Variants in PRLR observed in about 807,000 individuals in gnomAD.
The protein encoded by PRLR is prolactin receptor.
PRLR carries 13 observed loss-of-function variants against 40.2 expected under a neutral mutation model. The observed-to-expected ratio is 0.32, with a 90% confidence interval of 0.21 to 0.51. The LOEUF (loss-of-function observed/expected upper bound fraction) is 0.51. Among genes scored for constraint, PRLR ranks in the 20% least tolerant of loss-of-function variants. PRLR has a pLI of 0.97. For synonymous variants in PRLR, 269 were observed against 278.7 expected, an observed-to-expected ratio of 0.97 and a Z score of 0.35; for missense variants, 656 against 747.3, an observed-to-expected ratio of 0.88 and a Z score of 1.42.
At chr5:35,104,656 G>A (rs1772111797) in intron 2 of PRLR, among the ~76,000 whole-genome samples, 1 of 152,158 alleles carries the variant, frequency 6.6e-6, no homozygotes, top group African/African-American at 2.4e-5. Flanking sequence ...ACTGCAAGGT[G>A]GCAGCAAGGG....
intron 1 of PRLR, among the ~76,000 whole-genome samples, chr5:35,178,253 A>G (rs2111968587): frequency 6.6e-6 from 1 of 152,328 alleles, no homozygotes; most frequent in Admixed American, 6.5e-5. Flanking sequence ...TGATTTAAGA[A>G]GTATTTCTAC....
intron 9 of PRLR, among the ~76,000 whole-genome samples, chr5:35,066,758 C>T (rs1184873538): frequency 6.8e-6 from 1 of 146,096 alleles, no homozygotes; most frequent in Admixed American, 6.8e-5. Flanking sequence ...CTCACTCTTG[C>T]CTCTTTTTTT....
chr5:35,185,492 A>T (rs777352840), intron 1 of PRLR, among the ~76,000 whole-genome samples: 10 of 152,072 alleles, frequency 6.6e-5, no homozygotes, highest in African/African-American at 9.7e-5. Flanking sequence ...TTCTAACTAA[A>T]ATTATGGGCC....
chr5:35,081,483 C>T, intron 5 of PRLR: 1 of 179,226 alleles, frequency 5.6e-6, no homozygotes. Flanking sequence ...GGTGGTGAAG[C>T]AGGCATCGGA....
intron 1 of PRLR, among the ~76,000 whole-genome samples, chr5:35,174,163 C>T (rs1775079902): frequency 6.6e-6 from 1 of 151,700 alleles, no homozygotes; most frequent in African/African-American, 2.4e-5. Flanking sequence ...GATCTCGGCT[C>T]ACTGCAACCT....
At chr5:35,207,989 C>T (rs992215815) in intron 1 of PRLR, among the ~76,000 whole-genome samples, 9 of 152,080 alleles carry the variant, frequency 5.9e-5, no homozygotes, top group South Asian at 4.1e-4. Context: ...CTGGAATAGA[C>T]GGTATGCTAT....
intron 1 of PRLR, among the ~76,000 whole-genome samples, chr5:35,160,559 G>A (rs765444706): frequency 2.0e-5 from 3 of 152,202 alleles, no homozygotes; most frequent in Non-Finnish European, 4.4e-5. Flanking sequence ...CAGTCTATGG[G>A]GAGGAGAGGA....
At chr5:35,205,543 A>G (rs1171269219) in intron 1 of PRLR, among the ~76,000 whole-genome samples, 1 of 26,876 alleles carries the variant, frequency 3.7e-5, no homozygotes, top group South Asian at 6.7e-4. Flanking sequence ...CTATATCTGT[A>G]TGAAAATTCT....
intron 1 of PRLR, among the ~76,000 whole-genome samples, chr5:35,150,563 G>A (rs1199778559): frequency 6.6e-6 from 1 of 152,166 alleles, no homozygotes; most frequent in African/African-American, 2.4e-5. Context: ...TAATTGCCAT[G>A]CAGTATTGAA....
intron 1 of PRLR, among the ~76,000 whole-genome samples, chr5:35,205,945 A>T (rs1579801651): frequency 6.6e-6 from 1 of 152,190 alleles, no homozygotes; most frequent in East Asian, 1.9e-4. Context: ...ATTGATTTTT[A>T]TTCCTAGACG....
intron 2 of PRLR, among the ~76,000 whole-genome samples, chr5:35,105,718 G>A (rs1251939664): frequency 6.6e-6 from 1 of 152,152 alleles, no homozygotes; most frequent in African/African-American, 2.4e-5. Flanking sequence ...AAGAAATACG[G>A]GACTATGTGA....
In PRLR at chr5:35,070,147, G is replaced by A. The variant is rs779413027; in HGVS notation, c.662C>T (p.Ala221Val). The A allele has an allele frequency of 9.3e-6, 15 of 1,613,160 alleles. No homozygotes were observed. Among genetic ancestry groups the A allele is most frequent in the Admixed American group, 1.7e-5 (1 of 59,724 alleles). The change falls in exon 7 of 10, where the codon GCG (alanine) becomes GTG (valine). Residue 221 changes from alanine to valine, a missense_variant. By Grantham distance (64) the Ala-to-Val change is moderately conservative. This residue lies in a region of PRLR where 469 missense variants were observed against 491.5 expected (regional missense o/e 0.95). Transcript: ENST00000618457. ...ACCACTAGGTATCTGAATGAAGGTC[G>A]CTGGACTCCATGCACTCCAGTATCC... is the stretch of plus-strand genomic sequence containing the variant. Reference protein sequence around the residue: ...DHGYWSAWSPATFIQIPSDFT... With the variant: ...DHGYWSAWSPVTFIQIPSDFT...
chr5:35,167,984 A>C (rs1201988544), intron 1 of PRLR, among the ~76,000 whole-genome samples: 2 of 152,054 alleles, frequency 1.3e-5, no homozygotes, highest in Non-Finnish European at 2.9e-5. Context: ...AAATACTCTA[A>C]TAAGGACCAA....
rs1180668144 is a variant in PRLR at position 35,062,617 on chromosome 5, T to C, written c.*2472A>G. ...AAATTATATGTCAAAAGCAGATTAC[T>C]TTTATGTTTAGGTTTTCAGACTATA... On this transcript the variant is annotated 3_prime_UTR_variant, in exon 10 of 10. Coordinates refer to ENST00000618457, the MANE Select transcript of PRLR (RefSeq NM_000949.7). 6.6e-6 allele frequency: 1 copy of C among 152,206 alleles called. No individual in the cohort carries two copies. Among genetic ancestry groups the C allele is most frequent in the Non-Finnish European group, 1.5e-5 (1 of 68,038 alleles). The allele number at this position is 152,206 out of a possible 1,614,324, so 9.4% of individuals were successfully genotyped here.
chr5:35,129,666 T>A (rs1032351329), intron 1 of PRLR, among the ~76,000 whole-genome samples: 5 of 138,990 alleles, frequency 3.6e-5, no homozygotes, highest in Admixed American at 2.0e-4. Flanking sequence ...AGCACTGTAA[T>A]CAATTTTTTT....
At chr5:35,117,044 G>A (rs1773066494) in intron 2 of PRLR, among the ~76,000 whole-genome samples, 1 of 152,048 alleles carries the variant, frequency 6.6e-6, no homozygotes, top group African/African-American at 2.4e-5. Flanking sequence ...GGGGTGGGGT[G>A]GTGTCCTTCT....
intron 1 of PRLR, among the ~76,000 whole-genome samples, chr5:35,229,369 A>C (rs1369920385): frequency 1.3e-5 from 2 of 152,096 alleles, no homozygotes; most frequent in Non-Finnish European, 2.9e-5. Context: ...TTTCAAGTCC[A>C]GTCATAGAAT....
At chr5:35,072,475 C>T in intron 6 of PRLR, 100 bp downstream of exon 6, 2 of 1,367,110 alleles carry the variant, frequency 1.5e-6, no homozygotes, top group Non-Finnish European at 2.0e-6. Flanking sequence ...GAGGCCAACA[C>T]AGTGACCCAG....
intron 1 of PRLR, among the ~76,000 whole-genome samples, chr5:35,137,939 C>T (rs1420468471): frequency 6.6e-6 from 1 of 152,070 alleles, no homozygotes; most frequent in Non-Finnish European, 1.5e-5. Flanking sequence ...CATCTCAAAG[C>T]AAAATAAAGG....
Sources: allele counts gnomAD v4.1 joint callset (sites outside exome capture counted in the v4.1 genomes callset), GRCh38; gene constraint gnomAD v4.1.1; regional missense constraint gnomAD v4.1.1; transcripts MANE v1.5; gene names NCBI Gene and HGNC (gene_info 2026-07-23, HGNC 2026-07-21).